Variants in CNTN5 observed in about 807,000 individuals in gnomAD.
CNTN5 encodes the protein contactin 5.
A neutral mutation model predicts 129.1 loss-of-function variants in CNTN5; 77 were observed. The ratio of observed to expected loss-of-function variants is 0.60; its 90% CI spans 0.50 to 0.72. The LOEUF (loss-of-function observed/expected upper bound fraction) is 0.72. Among genes scored for constraint, CNTN5 ranks in the 30% least tolerant of loss-of-function variants. The pLI, the probability that CNTN5 is intolerant of heterozygous loss-of-function variation, is 0.00. For synonymous variants in CNTN5, 509 were observed against 465.6 expected (o/e 1.09, Z -1.20); for missense variants, 1,478 against 1,328.8 (o/e 1.11, Z -1.75).
At chr11:100,015,020 TATC>T (rs2137538220) in intron 9 of CNTN5, among the ~76,000 whole-genome samples, 1 of 152,260 alleles carries the variant, frequency 6.6e-6, no homozygotes, top group African/African-American at 2.4e-5. Context: ...TCTTCCTTTT[TATC>T]ATCATCTGTT....
intron 3 of CNTN5, among the ~76,000 whole-genome samples, chr11:99,683,749 A>G (rs1396426685): frequency 2.0e-5 from 3 of 151,842 alleles, no homozygotes; most frequent in Non-Finnish European, 4.4e-5. Flanking sequence ...GTCTCCTAGT[A>G]TATAGTGTAT....
intron 1 of CNTN5, among the ~76,000 whole-genome samples, chr11:99,203,230 G>A (rs981671951): frequency 1.1e-4 from 17 of 152,128 alleles, no homozygotes; most frequent in African/African-American, 3.6e-4. Flanking sequence ...TGGAGAGACC[G>A]TGCCTGCTTA....
chr11:99,306,874 A>G (rs2135958867), intron 1 of CNTN5, among the ~76,000 whole-genome samples: 1 of 152,084 alleles, frequency 6.6e-6, no homozygotes, highest in East Asian at 1.9e-4. Context: ...AACATATTAA[A>G]CTTCTAAAAG....
At chr11:99,269,329 A>G (rs1863061466) in intron 1 of CNTN5, among the ~76,000 whole-genome samples, 1 of 151,568 alleles carries the variant, frequency 6.6e-6, no homozygotes, top group Non-Finnish European at 1.5e-5. Flanking sequence ...TATACATGAC[A>G]TATTTTTATT....
At chr11:100,244,012 C>T (rs1353581165) in intron 16 of CNTN5, among the ~76,000 whole-genome samples, 1 of 152,116 alleles carries the variant, frequency 6.6e-6, no homozygotes, top group Non-Finnish European at 1.5e-5. Context: ...GTTTCATTCT[C>T]ATTATTTACT....
intron 13 of CNTN5, among the ~76,000 whole-genome samples, chr11:100,097,764 T>C (rs1375888015): frequency 6.6e-6 from 1 of 152,126 alleles, no homozygotes; most frequent in Non-Finnish European, 1.5e-5. Flanking sequence ...TTTTAGGGAC[T>C]GAGAGATTCA....
chr11:99,627,109 C>G (rs1420570908), intron 3 of CNTN5, among the ~76,000 whole-genome samples: 1 of 151,954 alleles, frequency 6.6e-6, no homozygotes, highest in East Asian at 1.9e-4. Flanking sequence ...GAAGCCTGTC[C>G]CCTGAGAGGC....
chr11:99,442,138 A>G (rs142406858), intron 2 of CNTN5, among the ~76,000 whole-genome samples: 1 of 152,206 alleles, frequency 6.6e-6, no homozygotes, highest in East Asian at 1.9e-4. Context: ...CATGGAAAGT[A>G]CTGGACTCAT....
intron 3 of CNTN5, among the ~76,000 whole-genome samples, chr11:99,756,531 C>T (rs1944409074): frequency 6.6e-6 from 1 of 152,078 alleles, no homozygotes; most frequent in Non-Finnish European, 1.5e-5. Context: ...GCTGATGTGA[C>T]TTTTCCCTGC....
intron 3 of CNTN5, among the ~76,000 whole-genome samples, chr11:99,786,568 CA>C (rs1945531933): frequency 6.6e-6 from 1 of 151,996 alleles, no homozygotes; most frequent in African/African-American, 2.4e-5. Context: ...GCAAAAAGAA[CA>C]AAGCTGGAGG....
At chr11:99,889,428 A>G (rs1231303900) in intron 6 of CNTN5, among the ~76,000 whole-genome samples, 2 of 151,590 alleles carry the variant, frequency 1.3e-5, no homozygotes, top group Non-Finnish European at 2.9e-5. Flanking sequence ...TTCTATAAAT[A>G]TTGACACATA....
At chr11:99,806,633 C>G (rs906311171) in intron 3 of CNTN5, among the ~76,000 whole-genome samples, 2 of 151,692 alleles carry the variant, frequency 1.3e-5, no homozygotes, top group Non-Finnish European at 2.9e-5. Flanking sequence ...ATGGTGAAAC[C>G]CTGTCTCTGC....
At chr11:100,067,332 A>G (rs1225985234) in intron 10 of CNTN5, among the ~76,000 whole-genome samples, 2 of 151,992 alleles carry the variant, frequency 1.3e-5, no homozygotes. Flanking sequence ...GTGTATGTTT[A>G]TGCGTTTGTG....
Position 99,192,135 on chromosome 11 carries a change from A to G in CNTN5, c.-209-133211A>G, listed in dbSNP as rs577750339. Among the ~76,000 whole-genome samples the G allele has an allele frequency of 9.2e-5, 14 of 151,896 alleles. 2 individuals carry two copies. In the South Asian group the frequency reaches 2.9e-3, roughly 31 times the overall value. ...AGTCAGCATGCTTTAATGTTAATGG[A>G]TGGACTAGTTATGACTAACAAAAGA... On this transcript the variant is annotated intron_variant, in intron 1 of 24. Coordinates refer to ENST00000524871, the MANE Select transcript of CNTN5 (RefSeq NM_014361.4).
At chr11:100,312,689 C>T (rs1951493082) in intron 21 of CNTN5, among the ~76,000 whole-genome samples, 1 of 151,960 alleles carries the variant, frequency 6.6e-6, no homozygotes, top group South Asian at 2.1e-4. Flanking sequence ...ATTTTATGTA[C>T]TTATAATATC....
chr11:100,312,802 G>A (rs1951495092), intron 21 of CNTN5, among the ~76,000 whole-genome samples: 1 of 152,170 alleles, frequency 6.6e-6, no homozygotes, highest in African/African-American at 2.4e-5. Flanking sequence ...TTTGAAACTA[G>A]AGAAGACAGT....
chr11:99,384,744 G>A (rs949929208), intron 2 of CNTN5, among the ~76,000 whole-genome samples: 2 of 151,922 alleles, frequency 1.3e-5, no homozygotes, highest in African/African-American at 2.4e-5. Flanking sequence ...TTTACTATAT[G>A]TTTGCTTTTA....
chr11:99,060,584 G>T (rs1024159292), intron 1 of CNTN5, among the ~76,000 whole-genome samples: 2 of 151,146 alleles, frequency 1.3e-5, no homozygotes, highest in African/African-American at 2.5e-5. Context: ...AGGAAGAAAA[G>T]AAATGAGCTT....
intron 3 of CNTN5, among the ~76,000 whole-genome samples, chr11:99,613,564 G>A (rs1485650690): frequency 6.6e-6 from 1 of 152,152 alleles, no homozygotes; most frequent in East Asian, 1.9e-4. Flanking sequence ...CAAGAAGCAG[G>A]CAATAAAGAT....
Sources: allele counts gnomAD v4.1 joint callset (sites outside exome capture counted in the v4.1 genomes callset), GRCh38; gene constraint gnomAD v4.1.1; transcripts MANE v1.5; gene names NCBI Gene and HGNC (gene_info 2026-07-23, HGNC 2026-07-21).